LHFPL6: variants seen among roughly 807,000 people sequenced by gnomAD.
The protein encoded by LHFPL6 is LHFPL tetraspan subfamily member 6 protein.
In LHFPL6, 9 loss-of-function variants were observed where a neutral mutation model predicts 20.6. The ratio of observed to expected loss-of-function variants is 0.44; its 90% CI spans 0.26 to 0.76. The LOEUF is 0.76. Ranked by LOEUF, LHFPL6 falls within the 30% of genes least tolerant of loss-of-function variation. LHFPL6 has a pLI of 0.20. For missense variants in LHFPL6, 218 were observed against 253.5 expected (o/e 0.86, Z 0.95); for synonymous variants, 105 against 98.7 (o/e 1.06, Z -0.38).
chr13:39,382,327 G>A (rs1202575810), intron 2 of LHFPL6, among the ~76,000 whole-genome samples: 1 of 152,142 alleles, frequency 6.6e-6, no homozygotes, highest in Non-Finnish European at 1.5e-5. Context: ...TTTGTCTCTT[G>A]CGTTCTGTCT....
intron 2 of LHFPL6, among the ~76,000 whole-genome samples, chr13:39,559,660 A>C (rs1359131818): frequency 1.3e-5 from 2 of 152,190 alleles, no homozygotes; most frequent in Non-Finnish European, 2.9e-5. Flanking sequence ...GTCTGCCTCA[A>C]GAAGCTCAAA....
chr13:39,552,822 T>C (rs17808936), intron 2 of LHFPL6, among the ~76,000 whole-genome samples: 8,948 of 152,276 alleles, frequency 0.059, 345 homozygotes, highest in Middle Eastern at 0.088. Flanking sequence ...GTTTTTTTAA[T>C]TTAATGGGTG....
chr13:39,594,897 C>G (rs374478732), intron 2 of LHFPL6, among the ~76,000 whole-genome samples: 1 of 152,084 alleles, frequency 6.6e-6, no homozygotes, highest in African/African-American at 2.4e-5. Flanking sequence ...TGTTCTCACT[C>G]ATAGGTGGGA....
intron 2 of LHFPL6, among the ~76,000 whole-genome samples, chr13:39,403,025 G>A (rs1336935895): frequency 2.0e-5 from 3 of 152,214 alleles, no homozygotes; most frequent in African/African-American, 4.8e-5. Context: ...AAGGGTCCTC[G>A]AAGGAATTCC....
chr13:39,508,809 C>G (rs1445823065), intron 2 of LHFPL6, among the ~76,000 whole-genome samples: 1 of 152,174 alleles, frequency 6.6e-6, no homozygotes, highest in African/African-American at 2.4e-5. Flanking sequence ...AAAACTCATA[C>G]ACAACTCTTT....
At chr13:39,472,447 T>C (rs188636746) in intron 2 of LHFPL6, among the ~76,000 whole-genome samples, 4 of 152,238 alleles carry the variant, frequency 2.6e-5, no homozygotes, top group Admixed American at 6.5e-5. Context: ...TCTCTTGGTG[T>C]CTTCATTGTT....
chr13:39,457,122 G>T (rs1439977619), intron 2 of LHFPL6, among the ~76,000 whole-genome samples: 1 of 151,992 alleles, frequency 6.6e-6, no homozygotes, highest in Non-Finnish European at 1.5e-5. Flanking sequence ...GATTTCTTAA[G>T]CACAAATTAT....
At chr13:39,537,597 T>C (rs1219116201) in intron 2 of LHFPL6, among the ~76,000 whole-genome samples, 2 of 152,216 alleles carry the variant, frequency 1.3e-5, no homozygotes, top group Non-Finnish European at 2.9e-5. Flanking sequence ...GTCTCAATAA[T>C]TACAAGTCCT....
Position 39,567,684 on chromosome 13 carries a change from C to T in LHFPL6, c.385+33148G>A, listed in dbSNP as rs549048061. 2.6e-5 allele frequency among the ~76,000 whole-genome samples: 4 copies of T among 152,322 alleles called. No homozygotes were observed. In the South Asian group the frequency reaches 8.3e-4, roughly 32 times the overall value. The stretch of plus-strand genomic sequence containing the variant: ...AACCATTCCTAGCTCTGTGGCCAAA[C>T]AAAAACAGGCTTCAGGCTGGATTTG... On this transcript the variant is annotated intron_variant, in intron 2 of 3. Transcript: ENST00000379589.
chr13:39,401,997 C>T (rs1871002400), intron 2 of LHFPL6, among the ~76,000 whole-genome samples: 1 of 152,130 alleles, frequency 6.6e-6, no homozygotes, highest in Non-Finnish European at 1.5e-5. Context: ...CCACTAACCA[C>T]ATGTGGATAT....
At chr13:39,556,732 G>A (rs1349411703) in intron 2 of LHFPL6, among the ~76,000 whole-genome samples, 1 of 152,180 alleles carries the variant, frequency 6.6e-6, no homozygotes, top group Admixed American at 6.5e-5. Context: ...GGAAGCTGAG[G>A]TGGGAAGATT....
chr13:39,580,514 C>A (rs968225505), intron 2 of LHFPL6, among the ~76,000 whole-genome samples: 1 of 152,112 alleles, frequency 6.6e-6, no homozygotes. Context: ...AACCAAAGTC[C>A]TTTCTTTGTA....
At chr13:39,564,450 T>G (rs1190232048) in intron 2 of LHFPL6, among the ~76,000 whole-genome samples, 1 of 152,174 alleles carries the variant, frequency 6.6e-6, no homozygotes, top group Non-Finnish European at 1.5e-5. Flanking sequence ...ATCTTCATAT[T>G]TCTAAACTTC....
At position 39,549,627 on chromosome 13, in the gene LHFPL6, C is replaced by A. The variant is rs551072662; in HGVS notation, c.385+51205G>T. The stretch of plus-strand genomic sequence containing the variant: ...AGTTTGGGTTATAAAGTTCAGCATA[C>A]ATAGACCATATAACCCAGCAGTCTT... On this transcript the variant is annotated intron_variant, in intron 2 of 3. Coordinates refer to ENST00000379589, the MANE Select transcript of LHFPL6 (RefSeq NM_005780.3). Among the ~76,000 whole-genome samples, 105 of 152,180 alleles carry A rather than the reference C, an allele frequency of 6.9e-4. 1 individual carries two copies. The South Asian group carries it at 0.021, about 30-fold the overall frequency.
chr13:39,399,187 G>A (rs947726594), intron 2 of LHFPL6, among the ~76,000 whole-genome samples: 5 of 152,150 alleles, frequency 3.3e-5, no homozygotes, highest in Non-Finnish European at 5.9e-5. Flanking sequence ...AAAGAGCATA[G>A]GGTCAATCTG....
chr13:39,508,496 C>T (rs1277903796), intron 2 of LHFPL6, among the ~76,000 whole-genome samples: 1 of 152,210 alleles, frequency 6.6e-6, no homozygotes, highest in Non-Finnish European at 1.5e-5. Flanking sequence ...ATTCTATACT[C>T]CCCATCCTAG....
chr13:39,545,471 T>A (rs2138507622), intron 2 of LHFPL6, among the ~76,000 whole-genome samples: 1 of 152,054 alleles, frequency 6.6e-6, no homozygotes, highest in East Asian at 1.9e-4. Flanking sequence ...CACAGATAAA[T>A]AAGAACCCAC....
chr13:39,540,673 G>A (rs909640702), intron 2 of LHFPL6, among the ~76,000 whole-genome samples: 3 of 152,106 alleles, frequency 2.0e-5, no homozygotes, highest in African/African-American at 4.8e-5. Context: ...ATAGTCTTAT[G>A]CTTCTGTAAA....
At chr13:39,418,912 G>A (rs1871413406) in intron 2 of LHFPL6, among the ~76,000 whole-genome samples, 1 of 152,182 alleles carries the variant, frequency 6.6e-6, no homozygotes, top group Non-Finnish European at 1.5e-5. Context: ...TGGGAAATGG[G>A]TGTAATGTTT....
Sources: allele counts gnomAD v4.1 joint callset (sites outside exome capture counted in the v4.1 genomes callset), GRCh38; gene constraint gnomAD v4.1.1; transcripts MANE v1.5; gene names NCBI Gene and HGNC (gene_info 2026-07-23, HGNC 2026-07-21).